The following CPNE5 variants were observed in gnomAD, a reference collection of about 807,000 sequenced individuals.
CPNE5 encodes copine-5.
In CPNE5, 42 loss-of-function variants were observed where a neutral mutation model predicts 81.1. The ratio of observed to expected loss-of-function variants is 0.52; its 90% CI spans 0.40 to 0.67. The LOEUF (loss-of-function observed/expected upper bound fraction) is 0.67. Ranked by LOEUF, CPNE5 falls within the 30% of genes least tolerant of loss-of-function variation. The pLI is 0.00. For missense variants in CPNE5, 612 were observed against 815.5 expected (o/e 0.75, Z 3.04); for synonymous variants, 313 against 321.5 (o/e 0.97, Z 0.28).
chr6:36,803,515 G>A (rs1055282180), intron 3 of CPNE5, among the ~76,000 whole-genome samples: 8 of 152,282 alleles, frequency 5.3e-5, no homozygotes, highest in South Asian at 2.1e-4. Flanking sequence ...ATACACAGCC[G>A]CGGGTTTAGA....
At chr6:36,830,683 C>G (rs2150614263) in intron 1 of CPNE5, among the ~76,000 whole-genome samples, 1 of 152,334 alleles carries the variant, frequency 6.6e-6, no homozygotes, top group East Asian at 1.9e-4. Flanking sequence ...TGCTTCTGAG[C>G]TGGAGTCCCC....
At chr6:36,753,759 C>G (rs1408084159) in intron 13 of CPNE5, among the ~76,000 whole-genome samples, 4 of 152,254 alleles carry the variant, frequency 2.6e-5, no homozygotes, top group African/African-American at 4.8e-5. Flanking sequence ...TTAGCTTTGG[C>G]TTTGCCAAGA....
chr6:36,825,574 G>A (rs1772428070), intron 1 of CPNE5, among the ~76,000 whole-genome samples: 1 of 152,152 alleles, frequency 6.6e-6, no homozygotes, highest in Admixed American at 6.5e-5. Flanking sequence ...GAAACCATCT[G>A]ATAAACCTCC....
At chr6:36,780,263 C>T (rs12201679) in intron 8 of CPNE5, among the ~76,000 whole-genome samples, 27,909 of 152,134 alleles carry the variant, frequency 0.18, 2,723 homozygotes, top group East Asian at 0.25. Context: ...GCACCTGGCC[C>T]CCCCTTCCTC....
Position 36,746,316 on chromosome 6 carries a change from G to A in CPNE5, c.1200+80C>T. The A allele has an allele frequency of 6.9e-7, 1 of 1,443,822 alleles. No homozygotes were observed. Among genetic ancestry groups the A allele is most frequent in the Non-Finnish European group, 9.2e-7 (1 of 1,087,760 alleles). The allele number at this position is 1,443,822 out of a possible 1,614,324, so 89.4% of individuals were successfully genotyped here. A position where few individuals can be genotyped will look rare whatever the true frequency, so the allele number is the denominator to read the frequency against. On this transcript the variant is annotated intron_variant, in intron 16 of 20. Coordinates refer to ENST00000244751, the MANE Select transcript of CPNE5 (RefSeq NM_020939.2). The surrounding 1 kb of genome is among the most constrained non-coding windows in gnomAD (Gnocchi z 4.5). The stretch of plus-strand genomic sequence containing the variant: ...CCTTAAGTCCCCGGGCTCAGAGGAA[G>A]GGAAACGTCCCCCCACCCCCAGCTT...
In CPNE5 at chr6:36,822,155, C is replaced by T. The variant is rs1048087653; in HGVS notation, c.142G>A (p.Val48Ile). 32 of 1,526,014 alleles carry T rather than the reference C, an allele frequency of 2.1e-5. No homozygotes were observed. Among genetic ancestry groups the T allele is most frequent in the African/African-American group, 2.7e-5 (2 of 73,290 alleles). The allele number at this position is 1,526,014 out of a possible 1,614,324, so 94.5% of individuals were successfully genotyped here. A position where few individuals can be genotyped will look rare whatever the true frequency, so the allele number is the denominator to read the frequency against. ...TTCTCCATCCCTTGGGTATACATGA[C>T]GCACACTGCGGGGGGAGGAGAAACA... The part of the protein sequence containing the change: ...DMFSKSDPLC[V>I]MYTQGMENKQ... The change falls in exon 3 of 21, where the codon GTC becomes ATC. Residue 48 changes from valine to isoleucine, a missense_variant. Coordinates refer to ENST00000244751, the MANE Select transcript of CPNE5 (RefSeq NM_020939.2).
chr6:36,823,788 G>A (rs757544698), intron 1 of CPNE5, among the ~76,000 whole-genome samples: 13 of 152,318 alleles, frequency 8.5e-5, no homozygotes, highest in African/African-American at 2.9e-4. Flanking sequence ...GAGCCCCGGC[G>A]ATGGGTCAGG....
At chr6:36,757,864 C>T (rs1765633574) in intron 12 of CPNE5, among the ~76,000 whole-genome samples, 1 of 152,126 alleles carries the variant, frequency 6.6e-6, no homozygotes, top group African/African-American at 2.4e-5. Context: ...GAATAGAACC[C>T]AGGCCCAGTT....
At chr6:36,760,738 G>A (rs1765944060) in intron 12 of CPNE5, among the ~76,000 whole-genome samples, 1 of 152,192 alleles carries the variant, frequency 6.6e-6, no homozygotes, top group African/African-American at 2.4e-5. Flanking sequence ...TTTAGCTAAT[G>A]TGTTCAGTTT....
chr6:36,763,117 C>T (rs1168057285), intron 11 of CPNE5, 125 bp from the exon 12 acceptor site: 7 of 799,658 alleles, frequency 8.8e-6, no homozygotes, highest in East Asian at 7.5e-5. Context: ...CAGGGGCACA[C>T]GCCAGCAGAC....
intron 14 of CPNE5, among the ~76,000 whole-genome samples, chr6:36,752,289 T>C (rs58471412): frequency 0.15 from 22,786 of 152,158 alleles, 1,892 homozygotes; most frequent in Middle Eastern, 0.22. Context: ...GCAGGCAGCA[T>C]GCTGGGCAGG....
intron 9 of CPNE5, among the ~76,000 whole-genome samples, chr6:36,775,288 T>C (rs1435496265): frequency 6.6e-6 from 1 of 152,198 alleles, no homozygotes; most frequent in Non-Finnish European, 1.5e-5. Context: ...GGTGAGGACC[T>C]GGAGGTGGGG....
At chr6:36,816,664 C>A (rs1176611810) in intron 3 of CPNE5, among the ~76,000 whole-genome samples, 1 of 152,192 alleles carries the variant, frequency 6.6e-6, no homozygotes, top group Non-Finnish European at 1.5e-5. Context: ...ATCCCAGAGG[C>A]GGTTCCATAG....
At chr6:36,795,041 T>C (rs1769442360) in intron 6 of CPNE5, among the ~76,000 whole-genome samples, 2 of 152,190 alleles carry the variant, frequency 1.3e-5, no homozygotes, top group Admixed American at 1.3e-4. Flanking sequence ...GACTGCAAGA[T>C]GGGGAGACTG....
chr6:36,806,216 C>T (rs1050421136), intron 3 of CPNE5, among the ~76,000 whole-genome samples: 1 of 152,150 alleles, frequency 6.6e-6, no homozygotes, highest in African/African-American at 2.4e-5. Flanking sequence ...CTGCTGCCCG[C>T]CCCAGCTCCA....
chr6:36,782,868 C>CACACAA (rs1250161980), intron 8 of CPNE5, among the ~76,000 whole-genome samples: 122 of 142,162 alleles, frequency 8.6e-4, no homozygotes, highest in African/African-American at 2.9e-3. Flanking sequence ...CACACACACA[C>CACACAA]AAAACGGCAC....
intron 3 of CPNE5, among the ~76,000 whole-genome samples, chr6:36,801,995 C>T (rs1233881680): frequency 2.0e-5 from 3 of 152,024 alleles, no homozygotes; most frequent in Non-Finnish European, 2.9e-5. Flanking sequence ...CCGAGGTGGG[C>T]GGATCACGAG....
chr6:36,816,226 C>T (rs571707414), intron 3 of CPNE5, among the ~76,000 whole-genome samples: 2 of 152,328 alleles, frequency 1.3e-5, no homozygotes, highest in South Asian at 2.1e-4. Flanking sequence ...CCTCATCTGA[C>T]AAATGCATTT....
chr6:36,742,288 G>A lies in CPNE5; in HGVS notation c.1762C>T (p.Pro588Ser), dbSNP rs892052698. 5 of 1,596,308 alleles carry A rather than the reference G, an allele frequency of 3.1e-6. No homozygotes were observed. The Admixed American group carries it at 8.4e-5, about 27-fold the overall frequency. The part of the protein sequence containing the change: ...QSPARTPPAS[P>S]LHTHI ...CAGGTTCAGATGTGCGTGTGCAGGG[G>A]GGACGCAGGGGGCGTGCGGGCTGGG... The change falls in exon 21 of 21, where the codon CCC (proline) becomes TCC (serine). Residue 588 changes from proline to serine, a missense_variant. Pro to Ser is a moderately conservative substitution (Grantham distance 74, BLOSUM62 -1). Transcript: ENST00000244751.
Sources: allele counts gnomAD v4.1 joint callset (sites outside exome capture counted in the v4.1 genomes callset), GRCh38; gene constraint gnomAD v4.1.1; non-coding constraint Gnocchi (gnomAD v3.1); transcripts MANE v1.5; gene names NCBI Gene and HGNC (gene_info 2026-07-23, HGNC 2026-07-21).